The following SYT2 variants were observed in gnomAD, a reference collection of about 807,000 sequenced individuals.
SYT2 encodes the protein synaptotagmin 2.
SYT2 carries 15 observed loss-of-function variants against 39.9 expected under a neutral mutation model. The ratio of observed to expected loss-of-function variants is 0.38; its 90% CI spans 0.25 to 0.58. SYT2 has a LOEUF of 0.58. Ranked by LOEUF, SYT2 falls within the 20% of genes least tolerant of loss-of-function variation. SYT2 has a pLI of 0.70. For missense variants in SYT2, 389 were observed against 530.3 expected, an observed-to-expected ratio of 0.73 and a Z score of 2.62; for synonymous variants, 181 against 204.5, an observed-to-expected ratio of 0.89 and a Z score of 0.98.
intron 1 of SYT2, among the ~76,000 whole-genome samples, chr1:202,658,802 T>A (rs749422200): frequency 1.3e-5 from 2 of 152,074 alleles, no homozygotes; most frequent in Non-Finnish European, 2.9e-5. Context: ...GGCACCCTCC[T>A]CTTGCCCCTG....
chr1:202,668,020 T>G lies in SYT2; in HGVS notation c.-18+42238A>C, dbSNP rs1572668284. Among the ~76,000 whole-genome samples the G allele has an allele frequency of 4.6e-5, 7 of 152,328 alleles. No homozygotes were observed. In the South Asian group the frequency reaches 1.4e-3, roughly 32 times the overall value. ...GCCATCGCGCCCGGCCCAGATATTT[T>G]CAGGCAATCCTCCCTCTCAGCACCA... On this transcript the variant is annotated intron_variant, in intron 1 of 8. Transcript: ENST00000367268.
rs146286058 is a variant in SYT2, at chr1:202,639,093, G to A, written c.-17-33304C>T. On this transcript the variant is annotated intron_variant, in intron 1 of 8. Coordinates refer to ENST00000367268, the MANE Select transcript of SYT2 (RefSeq NM_177402.5). Reference sequence around the variant, plus strand: ...TATCCTGCTGCCCTGTCTGGCTCAAGAGCAGCAGCGTGGCATAGCTGGCAT... The same window carrying A: ...TATCCTGCTGCCCTGTCTGGCTCAAAAGCAGCAGCGTGGCATAGCTGGCAT... Among the ~76,000 whole-genome samples, 922 of 152,344 alleles carry A rather than the reference G, an allele frequency of 6.1e-3. 7 individuals carry two copies. The highest frequency in any genetic ancestry group is 0.021 in the African/African-American group (881 of 41,572).
At chr1:202,677,506 C>G (rs557863570) in intron 1 of SYT2, among the ~76,000 whole-genome samples, 2 of 152,180 alleles carry the variant, frequency 1.3e-5, no homozygotes, top group Non-Finnish European at 2.9e-5. Context: ...ACAGAAAGCC[C>G]TGGCCCACAG....
chr1:202,670,665 T>C (rs2149109053), intron 1 of SYT2, among the ~76,000 whole-genome samples: 1 of 152,372 alleles, frequency 6.6e-6, no homozygotes, highest in South Asian at 2.1e-4. Context: ...CGGCCAAGTC[T>C]GGTTGGAACA....
At chr1:202,695,554 G>C (rs186129905) in intron 1 of SYT2, among the ~76,000 whole-genome samples, 1 of 152,172 alleles carries the variant, frequency 6.6e-6, no homozygotes, top group Non-Finnish European at 1.5e-5. Context: ...AATTGAACTC[G>C]ATTTGATTGA....
intron 1 of SYT2, among the ~76,000 whole-genome samples, chr1:202,618,574 G>T (rs1691115720): frequency 6.6e-6 from 1 of 152,286 alleles, no homozygotes; most frequent in South Asian, 2.1e-4. Flanking sequence ...ACCTCGGGTG[G>T]TTTCTTTCAC....
intron 1 of SYT2, among the ~76,000 whole-genome samples, chr1:202,682,038 A>G (rs564112015): frequency 6.6e-6 from 1 of 152,108 alleles, no homozygotes; most frequent in Non-Finnish European, 1.5e-5. Flanking sequence ...CTCCTCTGAA[A>G]TCCAGCCTCC....
At position 202,599,556 on chromosome 1, in the gene SYT2, G is replaced by C. The variant is rs1456677885; in HGVS notation, c.920-205C>G. On this transcript the variant is annotated intron_variant, in intron 7 of 8. Transcript: ENST00000367268. The surrounding 1 kb of genome is among the most constrained non-coding windows in gnomAD (Gnocchi z 4.4). ...CAGGACCAACTGTGACCAGTTGGTTGTGGCTTCCTGAAGCATTGGGTGGAG... is the reference window on the plus strand; with the variant it reads ...CAGGACCAACTGTGACCAGTTGGTTCTGGCTTCCTGAAGCATTGGGTGGAG... Among the ~76,000 whole-genome samples, 1 of 152,148 alleles carries C rather than the reference G, an allele frequency of 6.6e-6. No individual in the cohort carries two copies. Among genetic ancestry groups the C allele is most frequent in the Non-Finnish European group, 1.5e-5 (1 of 68,028 alleles).
At chr1:202,705,006 A>G (rs958241749) in intron 1 of SYT2, among the ~76,000 whole-genome samples, 2 of 152,206 alleles carry the variant, frequency 1.3e-5, no homozygotes, top group Non-Finnish European at 2.9e-5. Context: ...GATTTAAATC[A>G]CCCAGCCTCC....
intron 1 of SYT2, among the ~76,000 whole-genome samples, chr1:202,622,565 G>GAGGT (rs1691232131): frequency 1.3e-5 from 2 of 150,848 alleles, no homozygotes; most frequent in African/African-American, 5.0e-5. Context: ...AGCAATTCCA[G>GAGGT]GCCACCTGAT....
At chr1:202,672,324 T>A (rs572234809) in intron 1 of SYT2, among the ~76,000 whole-genome samples, 2 of 152,148 alleles carry the variant, frequency 1.3e-5, no homozygotes, top group Non-Finnish European at 2.9e-5. Flanking sequence ...TAGGTTTAGA[T>A]GAGGCCATGA....
At chr1:202,608,983 C>T (rs1386069736) in intron 1 of SYT2, among the ~76,000 whole-genome samples, 2 of 150,806 alleles carry the variant, frequency 1.3e-5, no homozygotes, top group African/African-American at 4.9e-5. Flanking sequence ...CCCATTAACT[C>T]GTCATTTAAC....
chr1:202,635,868 G>T (rs1390627926), intron 1 of SYT2, among the ~76,000 whole-genome samples: 1 of 152,186 alleles, frequency 6.6e-6, no homozygotes, highest in Admixed American at 6.5e-5. Flanking sequence ...CAGGAAGGAG[G>T]CAAGAGGAGG....
intron 1 of SYT2, among the ~76,000 whole-genome samples, chr1:202,644,435 G>C (rs10800845): frequency 0.46 from 69,648 of 151,108 alleles, 17,490 homozygotes; most frequent in African/African-American, 0.67. Context: ...GTGCCTCAGT[G>C]TCACCCTTGG....
intron 1 of SYT2, among the ~76,000 whole-genome samples, chr1:202,690,674 G>A (rs1333934266): frequency 2.0e-5 from 3 of 152,176 alleles, no homozygotes; most frequent in South Asian, 4.1e-4. Flanking sequence ...ATATTCATTC[G>A]ACAACTATTT....
Position 202,602,571 on chromosome 1 carries a change from G to T in SYT2, c.466-26C>A, listed in dbSNP as rs78029290. The T allele has an allele frequency of 3.3e-4, 522 of 1,600,900 alleles. 4 individuals carry two copies. In the East Asian group the frequency reaches 7.7e-3, roughly 24 times the overall value. On this transcript the variant is annotated intron_variant, in intron 4 of 8. Transcript: ENST00000367268. ...CTGTGGAGAGAGATGGGGAGAAGGG[G>T]CCTGAGTCTCAGGACTGCTCCAATA... is the stretch of plus-strand genomic sequence containing the variant.
intron 1 of SYT2, among the ~76,000 whole-genome samples, chr1:202,650,740 C>T (rs1692174730): frequency 6.6e-6 from 1 of 152,198 alleles, no homozygotes; most frequent in Non-Finnish European, 1.5e-5. Context: ...GATAACAGTG[C>T]AGCACGGGGA....
intron 1 of SYT2, chr1:202,632,504 G>A (rs575175896): frequency 6.2e-6 from 6 of 967,374 alleles, no homozygotes; most frequent in East Asian, 2.3e-4. Flanking sequence ...AGCCATCGCC[G>A]GATCTCTAGG....
chr1:202,710,371 G>T lies in SYT2; in HGVS notation c.-131C>A, dbSNP rs1654366653. ...TTCGCAGGGGCGCCCGTTCCCCTGG[G>T]GGCGCGAAGTCCCCGCTCCACCGCT... On this transcript the variant is annotated 5_prime_UTR_variant, in exon 1 of 9. Transcript: ENST00000367268. 1 of 152,354 alleles carries T rather than the reference G, an allele frequency of 6.6e-6. No homozygotes were observed. The highest frequency in any genetic ancestry group is 1.5e-5 in the Non-Finnish European group (1 of 68,148). 9.4% of individuals were successfully genotyped at this position (152,354 alleles called of 1,614,324 possible). A position where few individuals can be genotyped will look rare whatever the true frequency, so the allele number is the denominator to read the frequency against.
Sources: allele counts gnomAD v4.1 joint callset (sites outside exome capture counted in the v4.1 genomes callset), GRCh38; gene constraint gnomAD v4.1.1; non-coding constraint Gnocchi (gnomAD v3.1); transcripts MANE v1.5; gene names NCBI Gene and HGNC (gene_info 2026-07-23, HGNC 2026-07-21).